TIE1: variants seen among roughly 807,000 people sequenced by gnomAD.
TIE1 encodes tyrosine-protein kinase receptor Tie-1.
In TIE1, 89 loss-of-function variants were observed where a neutral mutation model predicts 130.5. That is an observed-to-expected ratio of 0.68 (90% confidence interval 0.57 to 0.81). The LOEUF (loss-of-function observed/expected upper bound fraction) is 0.81. TIE1 is among the 40% of genes least tolerant of loss of function. TIE1 has a pLI of 0.00. For synonymous variants in TIE1, 568 were observed against 629.4 expected (o/e 0.90, Z 1.46); for missense variants, 1,392 against 1,559.8 (o/e 0.89, Z 1.81).
Position 43,322,333 on chromosome 1 carries a change from G to T in TIE1, c.3346-318G>T, listed in dbSNP as rs1646928255. On this transcript the variant is annotated intron_variant, in intron 22 of 22. Transcript: ENST00000372476. The surrounding 1 kb of genome is among the most constrained non-coding windows in gnomAD (Gnocchi z 4.0). ...GGAATGATCAAATAACCATATAAAT[G>T]GATGAGTCGTCTAAAATGGCTTTTG... Among the ~76,000 whole-genome samples the T allele has an allele frequency of 6.6e-6, 1 of 152,192 alleles. No individual in the cohort carries two copies. The highest frequency in any genetic ancestry group is 1.5e-5 in the Non-Finnish European group (1 of 68,032).
chr1:43,321,751 C>A, intron 22 of TIE1, 36 bp downstream of exon 22: 1 of 1,544,234 alleles, frequency 6.5e-7, no homozygotes, highest in Non-Finnish European at 8.8e-7. Context: ...GGGCTGGGCT[C>A]ACAGAGTGCT....
At chr1:43,305,553 G>A (rs1190594436) in intron 3 of TIE1, among the ~76,000 whole-genome samples, 1 of 152,204 alleles carries the variant, frequency 6.6e-6, no homozygotes, top group Non-Finnish European at 1.5e-5. Flanking sequence ...CAGAGGGCCA[G>A]GAGCCTGTGG....
Position 43,309,641 on chromosome 1 carries a change from A to G in TIE1, c.1333+109A>G, listed in dbSNP as rs117102223. The G allele has an allele frequency of 7.0e-4, 986 of 1,399,350 alleles. 15 individuals carry two copies. The East Asian group carries it at 0.018, about 25-fold the overall frequency. The allele number at this position is 1,399,350 out of a possible 1,614,324, so 86.7% of individuals were successfully genotyped here. On this transcript the variant is annotated intron_variant, in intron 9 of 22. Transcript: ENST00000372476. This position sits in a 1 kb window ranked among gnomAD's most constrained non-coding sequence, Gnocchi z 6.3. ...AGGAAGGACAAGGACATCTAAGGTC[A>G]TAGCCTAGCACCAGACAAAAAGCGG...
At position 43,319,121 on chromosome 1, in the gene TIE1, G is replaced by T. The variant is rs1646889017; in HGVS notation, c.2923-114G>T. On this transcript the variant is annotated intron_variant, in intron 17 of 22. Transcript: ENST00000372476. The surrounding 1 kb of genome is among the most constrained non-coding windows in gnomAD (Gnocchi z 4.7). The stretch of plus-strand genomic sequence containing the variant: ...GACGAGATTGCAGCCAGGAGGGTAG[G>T]AGTATGGGGTATTGAAGGTAACAAG... 1 of 743,502 alleles carries T rather than the reference G, an allele frequency of 1.3e-6. No homozygotes were observed. Among genetic ancestry groups the T allele is most frequent in the African/African-American group, 1.7e-5 (1 of 57,704 alleles). 46.1% of individuals were successfully genotyped at this position (743,502 alleles called of 1,614,324 possible).
In TIE1 at chr1:43,312,414, C is replaced by T. The variant is rs1294704492; in HGVS notation, c.1740C>T (p.Phe580=). ...LVPGPLVGDG[F]LLRLWDGTRG... Reference sequence around the variant, plus strand: ...CCGGGCCACTGGTGGGCGACGGTTTCCTGCTGCGCCTGTGGGACGGGACAC... The same window carrying T: ...CCGGGCCACTGGTGGGCGACGGTTTTCTGCTGCGCCTGTGGGACGGGACAC... The change falls in exon 12 of 23, where the codon TTC becomes TTT. Residue 580 remains phenylalanine, a synonymous_variant. Transcript: ENST00000372476. The surrounding 1 kb of genome is among the most constrained non-coding windows in gnomAD (Gnocchi z 5.6). 1 of 1,609,704 alleles carries T rather than the reference C, an allele frequency of 6.2e-7. No homozygotes were observed. The highest frequency in any genetic ancestry group is 2.2e-5 in the East Asian group (1 of 44,804).
rs749923827 is a variant in TIE1, at chr1:43,312,465, C to T, written c.1791C>T (p.Val597=). 6.2e-7 allele frequency: 1 copy of T among 1,611,464 alleles called. No homozygotes were observed. The highest frequency in any genetic ancestry group is 8.5e-7 in the Non-Finnish European group (1 of 1,179,692). ...GTRGQERREN[V]SSPQARTALL... Reference sequence around the variant, plus strand: ...GGGGGCAGGAGCGGCGGGAGAACGTCTCATCCCCCCAGGCCCGCACTGCCC... The same window carrying T: ...GGGGGCAGGAGCGGCGGGAGAACGTTTCATCCCCCCAGGCCCGCACTGCCC... The change falls in exon 12 of 23, where the codon GTC becomes GTT. Residue 597 remains valine, a synonymous_variant. Transcript: ENST00000372476. The surrounding 1 kb of genome is among the most constrained non-coding windows in gnomAD (Gnocchi z 5.6).
rs976017881 is a variant in TIE1 at position 43,315,977 on chromosome 1, T to C, written c.2410-1222T>C. ...GGGAGGCTGAGGTGGGAGGATTGCC[T>C]GTGCCCAAAAGCTCGAGGTAACAAT... On this transcript the variant is annotated intron_variant, in intron 14 of 22. Transcript: ENST00000372476. The surrounding 1 kb of genome is among the most constrained non-coding windows in gnomAD (Gnocchi z 4.4). Among the ~76,000 whole-genome samples the C allele has an allele frequency of 6.6e-6, 1 of 152,218 alleles. No individual in the cohort carries two copies. Among genetic ancestry groups the C allele is most frequent in the Non-Finnish European group, 1.5e-5 (1 of 68,038 alleles).
chr1:43,302,912 AC>A (rs960940835), intron 1 of TIE1, among the ~76,000 whole-genome samples: 53 of 152,208 alleles, frequency 3.5e-4, no homozygotes, highest in Middle Eastern at 3.4e-3. Context: ...GAATTCTATG[AC>A]TGATGAGGCA....
chr1:43,314,688 C>T (rs1264825277), intron 14 of TIE1: 3 of 348,238 alleles, frequency 8.6e-6, no homozygotes, highest in Non-Finnish European at 4.0e-6. Context: ...ATTAGCCAGG[C>T]GTGGTGGTGC....
intron 14 of TIE1, chr1:43,314,563 T>G: frequency 1.0e-6 from 1 of 991,198 alleles, no homozygotes; most frequent in Non-Finnish European, 1.2e-6. Context: ...CACAGTGACT[T>G]GCACCTGTAA....
rs762384405 is a variant in TIE1 at position 43,319,497 on chromosome 1, G to A, written c.3075G>A (p.Leu1025=). 6.2e-7 allele frequency: 1 copy of A among 1,614,090 alleles called. No homozygotes were observed. The highest frequency in any genetic ancestry group is 1.3e-5 in the African/African-American group (1 of 75,006). Residue 1025 remains leucine (L), a synonymous_variant, in exon 19 of 23, where the codon CTG becomes CTA. Transcript: ENST00000372476. This position sits in a 1 kb window ranked among gnomAD's most constrained non-coding sequence, Gnocchi z 4.7. ...TGCGCTGGATGGCCATTGAGTCCCTGAACTACAGTGTCTATACCACCAAGA... is the reference window on the plus strand; with the variant it reads ...TGCGCTGGATGGCCATTGAGTCCCTAAACTACAGTGTCTATACCACCAAGA... The part of the protein sequence containing the change: ...LPVRWMAIES[L]NYSVYTTKSD...
chr1:43,304,855 G>C lies in TIE1; in HGVS notation c.63G>C (p.Ala21=). The part of the protein sequence containing the change: ...PILFLASHVG[A]AVDLTLLANL... ...TCACTGGTGTCCTGGCCCCAGGCGC[G>C]GCGGTGGACCTGACGCTGCTGGCCA... The change falls in exon 2 of 23, where the codon GCG becomes GCC. Residue 21 remains alanine (A), a synonymous_variant. Transcript: ENST00000372476. The C allele has an allele frequency of 7.1e-7, 1 of 1,417,696 alleles. No individual in the cohort carries two copies. The highest frequency in any genetic ancestry group is 1.5e-5 in the South Asian group (1 of 65,564). The allele number at this position is 1,417,696 out of a possible 1,614,324, so 87.8% of individuals were successfully genotyped here.
rs1455963297 is a variant in TIE1, at chr1:43,309,413, A to G, written c.1214A>G (p.Glu405Gly). 1 of 1,605,266 alleles carries G rather than the reference A, an allele frequency of 6.2e-7. No individual in the cohort carries two copies. The highest frequency in any genetic ancestry group is 1.3e-5 in the African/African-American group (1 of 74,604). Residue 405 changes from glutamate (E) to glycine (G), a missense_variant, in exon 9 of 23, where the codon GAG (glutamate) becomes GGG (glycine). Glu to Gly is a moderately conservative substitution (Grantham distance 98). Transcript: ENST00000372476. This position sits in a 1 kb window ranked among gnomAD's most constrained non-coding sequence, Gnocchi z 6.3. ...LLSTKAIVEP[E>G]KTTAEFEVPR... is the part of the protein sequence containing the mutation. ...TCCACCAAGGCCATTGTGGAGCCAG[A>G]GAAGACCACAGCTGAGTTCGAGGTG... is the stretch of plus-strand genomic sequence containing the variant.
At position 43,313,945 on chromosome 1, in the gene TIE1, A is replaced by G; in HGVS notation, c.2386A>G (p.Thr796Ala). ...CAGAAGCTGCCTGCATCGGAGACGC[A>G]CCTTCACCTACCAGTCAGGCTCGGT... ...IRRSCLHRRR[T>A]FTYQSGSGEE... The change falls in exon 14 of 23, where the codon ACC becomes GCC. Residue 796 changes from threonine to alanine, a missense_variant. By Grantham distance (58) the Thr-to-Ala change is moderately conservative (BLOSUM62 0). Around this residue, in one of 6 missense-constraint regions of TIE1, gnomAD observed 286 missense variants for 354.4 expected, o/e 0.81. Transcript: ENST00000372476. The surrounding 1 kb of genome is among the most constrained non-coding windows in gnomAD (Gnocchi z 6.2). 6.2e-7 allele frequency: 1 copy of G among 1,613,862 alleles called. No homozygotes were observed. The highest frequency in any genetic ancestry group is 8.5e-7 in the Non-Finnish European group (1 of 1,179,952).
intron 7 of TIE1, 124 bp from the exon 8 acceptor site, chr1:43,308,862 G>A: frequency 7.3e-7 from 1 of 1,372,334 alleles, no homozygotes. Context: ...GGCCTTTGCT[G>A]GTTTTCAGGC....
Position 43,313,116 on chromosome 1 carries a change from T to C in TIE1, c.1928-19T>C, listed in dbSNP as rs1570442857. The C allele has an allele frequency of 6.3e-7, 1 of 1,589,412 alleles. No homozygotes were observed. Among genetic ancestry groups the C allele is most frequent in the Non-Finnish European group, 8.6e-7 (1 of 1,168,794 alleles). On this transcript the variant is annotated intron_variant, in intron 12 of 22. Coordinates refer to ENST00000372476, the MANE Select transcript of TIE1 (RefSeq NM_005424.5). This position sits in a 1 kb window ranked among gnomAD's most constrained non-coding sequence, Gnocchi z 6.2. Reference sequence around the variant, plus strand: ...GCCCGGTCCTATCTGAGCCTTGCCTTCCCCCACCATCTCCCCAGGGCCTCC... The same window carrying C: ...GCCCGGTCCTATCTGAGCCTTGCCTCCCCCCACCATCTCCCCAGGGCCTCC...
At position 43,319,061 on chromosome 1, in the gene TIE1, A is replaced by G. The variant is rs1321499433; in HGVS notation, c.2923-174A>G. 6.6e-6 allele frequency among the ~76,000 whole-genome samples: 1 copy of G among 152,106 alleles called. No homozygotes were observed. On this transcript the variant is annotated intron_variant, in intron 17 of 22. Coordinates refer to ENST00000372476, the MANE Select transcript of TIE1 (RefSeq NM_005424.5). This position sits in a 1 kb window ranked among gnomAD's most constrained non-coding sequence, Gnocchi z 4.7. ...CAGGGCCCAGGAACGAGCGGGTGAG[A>G]GCCAACACTGATCTTTCTCAGATAT...
chr1:43,303,508 G>C (rs1646691025), intron 1 of TIE1, among the ~76,000 whole-genome samples: 1 of 152,130 alleles, frequency 6.6e-6, no homozygotes, highest in African/African-American at 2.4e-5. Context: ...TGATAAGCTA[G>C]GTGGCATTTA....
chr1:43,317,886 C>T lies in TIE1; in HGVS notation c.2736C>T (p.Tyr912=), dbSNP rs1646875430. Residue 912 remains tyrosine (Y), a synonymous_variant, in exon 17 of 23, where the codon TAC becomes TAT. Transcript: ENST00000372476. This position sits in a 1 kb window ranked among gnomAD's most constrained non-coding sequence, Gnocchi z 5.1. ...NLLGACKNRG[Y]LYIAIEYAPY... ...GTCTGTCTCTTTGCCTCTCAGGTTA[C>T]TTGTATATCGCTATTGAATATGCCC... 6.2e-6 allele frequency: 10 copies of T among 1,614,034 alleles called. No individual in the cohort carries two copies. The South Asian group carries it at 1.1e-4, about 18-fold the overall frequency.
Sources: gnomAD v4.1 joint callset for allele counts (sites outside exome capture counted in the v4.1 genomes callset) on GRCh38, gnomAD v4.1.1 for gene constraint, gnomAD v4.1.1 regional missense constraint, Gnocchi (gnomAD v3.1) non-coding constraint, MANE v1.5 for transcripts, NCBI Gene and HGNC (gene_info 2026-07-23, HGNC 2026-07-21) for gene names.